KCNH8: variants seen among roughly 807,000 people sequenced by gnomAD.
The protein encoded by KCNH8 is potassium voltage-gated channel subfamily H member 8, also known as voltage-gated delayed rectifier potassium channel KCNH8.
KCNH8 carries 70 observed loss-of-function variants against 103.6 expected under a neutral mutation model. That is an observed-to-expected ratio of 0.68 (90% confidence interval 0.56 to 0.82). The LOEUF is 0.82. KCNH8 is among the 40% of genes least tolerant of loss of function. The probability of loss-of-function intolerance (pLI) is 0.00; values close to 1 mark genes in which losing one functional copy is unlikely to be tolerated. For missense variants in KCNH8, 1,217 were observed against 1,329.9 expected, an observed-to-expected ratio of 0.92 and a Z score of 1.32; for synonymous variants, 498 against 489.4, an observed-to-expected ratio of 1.02 and a Z score of -0.23.
At chr3:19,333,583 A>G (rs1238278133) in intron 3 of KCNH8, among the ~76,000 whole-genome samples, 1 of 152,162 alleles carries the variant, frequency 6.6e-6, no homozygotes, top group Non-Finnish European at 1.5e-5. Flanking sequence ...AGGTTTTTGT[A>G]ACACTCTCAT....
intron 1 of KCNH8, among the ~76,000 whole-genome samples, chr3:19,244,690 T>G (rs1490456360): frequency 6.6e-6 from 1 of 152,146 alleles, no homozygotes; most frequent in Non-Finnish European, 1.5e-5. Flanking sequence ...TATCTCGTTG[T>G]GGGTTTTGAT....
chr3:19,319,830 G>C (rs773646242), intron 3 of KCNH8, among the ~76,000 whole-genome samples: 3 of 151,846 alleles, frequency 2.0e-5, no homozygotes, highest in Non-Finnish European at 4.4e-5. Flanking sequence ...TGTTGTCTAT[G>C]ATTTCTTTCA....
chr3:19,250,503 A>G (rs1031632623), intron 1 of KCNH8, among the ~76,000 whole-genome samples: 1 of 152,180 alleles, frequency 6.6e-6, no homozygotes, highest in Admixed American at 6.5e-5. Flanking sequence ...CTAACAAAGA[A>G]AGCTATTGTA....
chr3:19,342,859 A>C (rs1372916542), intron 4 of KCNH8, 145 bp downstream of exon 4: 8 of 688,854 alleles, frequency 1.2e-5, no homozygotes, highest in Non-Finnish European at 1.9e-5. Context: ...TATAAAGAAC[A>C]AACTGGAAAA....
At chr3:19,377,428 G>C (rs1412246607) in intron 5 of KCNH8, among the ~76,000 whole-genome samples, 1 of 152,124 alleles carries the variant, frequency 6.6e-6, no homozygotes, top group East Asian at 1.9e-4. Context: ...TCCAAGGGTG[G>C]TTATAGCCAT....
chr3:19,287,148 A>G (rs1413850061), intron 3 of KCNH8, among the ~76,000 whole-genome samples: 2 of 152,106 alleles, frequency 1.3e-5, no homozygotes, highest in Non-Finnish European at 2.9e-5. Context: ...TAGGAATACT[A>G]AAGAAAAACT....
intron 6 of KCNH8, chr3:19,391,813 A>G (rs2125131642): frequency 6.6e-6 from 1 of 152,134 alleles, no homozygotes; most frequent in East Asian, 1.9e-4. Flanking sequence ...GGCTTTCTAC[A>G]GTGCTTTTTA....
chr3:19,389,560 C>A (rs2125130070), intron 5 of KCNH8, among the ~76,000 whole-genome samples: 1 of 152,100 alleles, frequency 6.6e-6, no homozygotes, highest in Admixed American at 6.5e-5. Context: ...ATTAGTAAAA[C>A]TTTTATACAT....
intron 5 of KCNH8, among the ~76,000 whole-genome samples, chr3:19,381,512 A>C (rs529092833): frequency 6.6e-6 from 1 of 152,300 alleles, no homozygotes; most frequent in African/African-American, 2.4e-5. Context: ...ATTTATGTGA[A>C]AATATAGCAC....
At chr3:19,447,682 G>C (rs563370525) in intron 8 of KCNH8, among the ~76,000 whole-genome samples, 1 of 151,982 alleles carries the variant, frequency 6.6e-6, no homozygotes. Flanking sequence ...AGCAGAATCA[G>C]TTCTTTTCTT....
At position 19,534,256 on chromosome 3, in the gene KCNH8, G is replaced by A. The variant is rs1482398480; in HGVS notation, c.*157G>A. 7 of 611,454 alleles carry A rather than the reference G, an allele frequency of 1.1e-5. No homozygotes were observed. In the Admixed American group the frequency reaches 1.8e-4, roughly 15 times the overall value. 37.9% of individuals were successfully genotyped at this position (611,454 alleles called of 1,614,324 possible). On this transcript the variant is annotated 3_prime_UTR_variant, in exon 16 of 16. Coordinates refer to ENST00000328405, the MANE Select transcript of KCNH8 (RefSeq NM_144633.3). ...CAGGGAAAGGCAGAACCACCTCCAT[G>A]CTGTAGCAAACAATTTCTAGATACT... is the stretch of plus-strand genomic sequence containing the variant.
chr3:19,447,168 A>C (rs545445744), intron 8 of KCNH8, among the ~76,000 whole-genome samples: 1 of 152,162 alleles, frequency 6.6e-6, no homozygotes, highest in South Asian at 2.1e-4. Flanking sequence ...GTTTCCTGAC[A>C]GTTACACACA....
chr3:19,442,246 C>G (rs188938762), intron 8 of KCNH8, among the ~76,000 whole-genome samples: 24 of 152,276 alleles, frequency 1.6e-4, no homozygotes, highest in African/African-American at 5.5e-4. Context: ...TCTGTGATAT[C>G]CCATATTTCA....
intron 3 of KCNH8, among the ~76,000 whole-genome samples, chr3:19,293,537 GC>G (rs2064958345): frequency 6.6e-6 from 1 of 152,144 alleles, no homozygotes; most frequent in Non-Finnish European, 1.5e-5. Context: ...ATTTCAGTGA[GC>G]TCAGGTGACT....
chr3:19,286,986 T>TCTA (rs1231724938), intron 3 of KCNH8, among the ~76,000 whole-genome samples: 1 of 151,958 alleles, frequency 6.6e-6, no homozygotes, highest in East Asian at 1.9e-4. Context: ...CAGTATTGGG[T>TCTA]CTACTGTTTG....
chr3:19,291,112 C>G (rs570800188), intron 3 of KCNH8, among the ~76,000 whole-genome samples: 1 of 151,810 alleles, frequency 6.6e-6, no homozygotes, highest in Non-Finnish European at 1.5e-5. Flanking sequence ...TTTTTTATTG[C>G]GTCTATTTGA....
Position 19,202,061 on chromosome 3 carries a change from G to T in KCNH8, c.77-51593G>T, listed in dbSNP as rs370688222. Among the ~76,000 whole-genome samples, 13 of 152,224 alleles carry T rather than the reference G, an allele frequency of 8.5e-5. 1 individual carries two copies. Among genetic ancestry groups the T allele is most frequent in the East Asian group, 5.8e-4 (3 of 5,166 alleles). ...AATCCAACAGTATCACTTCATAAATGTATTTGCAGCACCAAATTCGTTGAG... is the reference window on the plus strand; with the variant it reads ...AATCCAACAGTATCACTTCATAAATTTATTTGCAGCACCAAATTCGTTGAG... On this transcript the variant is annotated intron_variant, in intron 1 of 15. Coordinates refer to ENST00000328405, the MANE Select transcript of KCNH8 (RefSeq NM_144633.3).
At chr3:19,299,766 G>A (rs9883395) in intron 3 of KCNH8, among the ~76,000 whole-genome samples, 15,715 of 151,846 alleles carry the variant, frequency 0.1, 918 homozygotes, top group South Asian at 0.15. Context: ...TATTGCTGGT[G>A]GTGTACCAGT....
intron 11 of KCNH8, among the ~76,000 whole-genome samples, chr3:19,466,431 G>A (rs1338282653): frequency 6.6e-6 from 1 of 152,052 alleles, no homozygotes; most frequent in Admixed American, 6.6e-5. Flanking sequence ...AAACTGTACC[G>A]TATGGTACAA....
Sources: allele counts gnomAD v4.1 joint callset (sites outside exome capture counted in the v4.1 genomes callset), GRCh38; gene constraint gnomAD v4.1.1; transcripts MANE v1.5; gene names NCBI Gene and HGNC (gene_info 2026-07-23, HGNC 2026-07-21).